B3GALT1: variants seen among roughly 807,000 people sequenced by gnomAD.
B3GALT1 encodes the protein beta-1,3-galactosyltransferase 1.
B3GALT1 carries 10 observed loss-of-function variants against 23.2 expected under a neutral mutation model. The ratio of observed to expected loss-of-function variants is 0.43; its 90% CI spans 0.27 to 0.73. The LOEUF is 0.73. Ranked by LOEUF, B3GALT1 falls within the 30% of genes least tolerant of loss-of-function variation. The pLI, the probability that B3GALT1 is intolerant of heterozygous loss-of-function variation, is 0.21. For missense variants in B3GALT1, 299 were observed against 405.4 expected (o/e 0.74, Z 2.25); for synonymous variants, 156 against 141.5 (o/e 1.10, Z -0.73).
rs189536248 is a variant in B3GALT1, at chr2:167,775,561, G to A, written c.-351-43111G>A. Among the ~76,000 whole-genome samples, 858 of 113,100 alleles carry A rather than the reference G, an allele frequency of 7.6e-3. 4 individuals carry two copies. The highest frequency in any genetic ancestry group is 0.013 in the Middle Eastern group (3 of 232). The allele number at this position is 113,100 out of a possible 152,430, so 74.2% of individuals were successfully genotyped here. A position where few individuals can be genotyped will look rare whatever the true frequency, so the allele number is the denominator to read the frequency against. ...TCTAGCTGGGACAACAGAGTGAGAC[G>A]CTGTCTCAAAAAAAAAAAAAACAAA... is the stretch of plus-strand genomic sequence containing the variant. On this transcript the variant is annotated intron_variant, in intron 3 of 4. Coordinates refer to ENST00000392690, the MANE Select transcript of B3GALT1 (RefSeq NM_020981.4).
chr2:167,701,329 G>A (rs879378076), intron 3 of B3GALT1, among the ~76,000 whole-genome samples: 1 of 152,136 alleles, frequency 6.6e-6, no homozygotes, highest in Admixed American at 6.5e-5. Context: ...TCCTGGGGAA[G>A]AGTCTTGGTG....
rs1697695663 is a variant in B3GALT1, at chr2:167,372,160, G to A, written c.-511+78826G>A. Among the ~76,000 whole-genome samples, 3 of 151,814 alleles carry A rather than the reference G, an allele frequency of 2.0e-5. No individual in the cohort carries two copies. The South Asian group carries it at 6.2e-4, about 31-fold the overall frequency. On this transcript the variant is annotated intron_variant, in intron 1 of 4. Transcript: ENST00000392690. ...AAATACCATGGTTATGTGGGATTTA[G>A]CCCAAAAATGAAAAGCTAATGTAAC...
chr2:167,805,703 C>T (rs1353096186), intron 3 of B3GALT1, among the ~76,000 whole-genome samples: 7 of 152,154 alleles, frequency 4.6e-5, no homozygotes, highest in African/African-American at 1.4e-4. Flanking sequence ...GTTTTGGTAC[C>T]AGTACCATGC....
chr2:167,489,815 C>G (rs1699681379), intron 1 of B3GALT1, among the ~76,000 whole-genome samples: 2 of 152,104 alleles, frequency 1.3e-5, no homozygotes, highest in African/African-American at 2.4e-5. Context: ...TTCTACTTCT[C>G]TTGTGGAAAT....
At chr2:167,379,767 G>A (rs1388267025) in intron 1 of B3GALT1, among the ~76,000 whole-genome samples, 1 of 152,232 alleles carries the variant, frequency 6.6e-6, no homozygotes, top group Admixed American at 6.5e-5. Flanking sequence ...TCCACCTATA[G>A]GTCCCCCAGT....
At chr2:167,803,120 A>ACACACACACACC (rs1369112213) in intron 3 of B3GALT1, among the ~76,000 whole-genome samples, 4 of 136,520 alleles carry the variant, frequency 2.9e-5, no homozygotes, top group African/African-American at 1.1e-4. Flanking sequence ...ACACACACAC[A>ACACACACACACC]CCCCTTGGTT....
chr2:167,501,440 G>A (rs1699846198), intron 2 of B3GALT1, among the ~76,000 whole-genome samples: 1 of 151,716 alleles, frequency 6.6e-6, no homozygotes, highest in South Asian at 2.1e-4. Context: ...CAAATCTCAA[G>A]TTTTCAGTTG....
chr2:167,498,541 A>C (rs752494966), intron 2 of B3GALT1, among the ~76,000 whole-genome samples: 2 of 152,144 alleles, frequency 1.3e-5, no homozygotes, highest in Non-Finnish European at 2.9e-5. Flanking sequence ...TTTCTATGTT[A>C]TGTAGCAAGC....
chr2:167,588,774 A>G (rs993741736), intron 2 of B3GALT1, among the ~76,000 whole-genome samples: 2 of 151,842 alleles, frequency 1.3e-5, no homozygotes, highest in African/African-American at 4.8e-5. Context: ...CCAAAAAGAA[A>G]ATGGTTATAT....
chr2:167,367,142 G>A (rs1030495555), intron 1 of B3GALT1, among the ~76,000 whole-genome samples: 5 of 152,104 alleles, frequency 3.3e-5, no homozygotes, highest in African/African-American at 9.7e-5. Context: ...AGACAGAGAC[G>A]TATACATTTT....
At chr2:167,440,577 T>A (rs1698865037) in intron 1 of B3GALT1, among the ~76,000 whole-genome samples, 1 of 152,064 alleles carries the variant, frequency 6.6e-6, no homozygotes, top group African/African-American at 2.4e-5. Context: ...CAGCACATTT[T>A]TAATTTTTGT....
intron 2 of B3GALT1, among the ~76,000 whole-genome samples, chr2:167,592,521 T>TA (rs879754651): frequency 3.9e-5 from 6 of 152,248 alleles, no homozygotes; most frequent in Non-Finnish European, 8.8e-5. Flanking sequence ...TTTCTGCAAT[T>TA]ACAGCTCTTT....
intron 3 of B3GALT1, among the ~76,000 whole-genome samples, chr2:167,710,413 A>T (rs1687030269): frequency 6.6e-6 from 1 of 152,216 alleles, no homozygotes; most frequent in Non-Finnish European, 1.5e-5. Context: ...CAGACGAGGA[A>T]ACCGTGGCTC....
intron 2 of B3GALT1, among the ~76,000 whole-genome samples, chr2:167,562,006 A>C (rs944074418): frequency 3.3e-5 from 5 of 152,216 alleles, no homozygotes; most frequent in Non-Finnish European, 5.9e-5. Flanking sequence ...ACAACCAAAA[A>C]AGAGAATTTT....
Position 167,679,196 on chromosome 2 carries a change from G to A in B3GALT1, c.-352+32230G>A, listed in dbSNP as rs181925684. Reference sequence around the variant, plus strand: ...CAATGGCGCAAAATCTCGGCTCACCGCAACCTCCGCCTCCCGGGTTCAAGC... The same window carrying A: ...CAATGGCGCAAAATCTCGGCTCACCACAACCTCCGCCTCCCGGGTTCAAGC... On this transcript the variant is annotated intron_variant, in intron 3 of 4. Coordinates refer to ENST00000392690, the MANE Select transcript of B3GALT1 (RefSeq NM_020981.4). Among the ~76,000 whole-genome samples the A allele has an allele frequency of 7.3e-5, 11 of 151,382 alleles. No homozygotes were observed. In the East Asian group the frequency reaches 1.4e-3, roughly 19 times the overall value.
intron 1 of B3GALT1, among the ~76,000 whole-genome samples, chr2:167,394,496 T>C (rs1698065721): frequency 6.6e-6 from 1 of 152,184 alleles, no homozygotes; most frequent in Admixed American, 6.5e-5. Flanking sequence ...GTACATGATA[T>C]TTTGATGCTA....
At chr2:167,706,043 A>G (rs1686962451) in intron 3 of B3GALT1, among the ~76,000 whole-genome samples, 1 of 152,112 alleles carries the variant, frequency 6.6e-6, no homozygotes, top group East Asian at 1.9e-4. Context: ...GGGATTTTAA[A>G]CCCTTTTTAA....
intron 2 of B3GALT1, among the ~76,000 whole-genome samples, chr2:167,582,462 T>C (rs1297444356): frequency 4.6e-5 from 7 of 152,248 alleles, no homozygotes; most frequent in Non-Finnish European, 1.0e-4. Flanking sequence ...ACTGCTCTTA[T>C]GTCTTTCACT....
At chr2:167,852,468 GT>G (rs869171673) in intron 4 of B3GALT1, among the ~76,000 whole-genome samples, 22 of 3,216 alleles carry the variant, frequency 6.8e-3, no homozygotes, top group Non-Finnish European at 0.014. Flanking sequence ...ATTCGTGATG[GT>G]GTGTGTGTGT....
Sources: gnomAD v4.1 joint callset for allele counts (sites outside exome capture counted in the v4.1 genomes callset) on GRCh38, gnomAD v4.1.1 for gene constraint, MANE v1.5 for transcripts, NCBI Gene and HGNC (gene_info 2026-07-23, HGNC 2026-07-21) for gene names.